Variants in YWHAE observed in about 807,000 individuals in gnomAD.
YWHAE encodes the protein tyrosine 3-monooxygenase/tryptophan 5-monooxygenase activation protein epsilon.
Under a neutral mutation model 30.1 loss-of-function variants are expected in YWHAE, and 4 were observed. The ratio of observed to expected loss-of-function variants is 0.13; its 90% CI spans 0.07 to 0.30. YWHAE has a LOEUF of 0.30. YWHAE is among the 10% of genes least tolerant of loss of function. The probability of loss-of-function intolerance (pLI) is 1.00; values close to 1 mark genes in which losing one functional copy is unlikely to be tolerated. For synonymous variants in YWHAE, 118 were observed against 111.8 expected, an observed-to-expected ratio of 1.06 and a Z score of -0.35; for missense variants, 121 against 315.9, an observed-to-expected ratio of 0.38 and a Z score of 4.68.
chr17:1,392,445 C>T (rs1186655107), intron 1 of YWHAE, among the ~76,000 whole-genome samples: 1 of 152,172 alleles, frequency 6.6e-6, no homozygotes, highest in African/African-American at 2.4e-5. Context: ...AGCCATTTTT[C>T]TTGCTGCTCT....
At chr17:1,384,832 G>C (rs898051720) in intron 1 of YWHAE, among the ~76,000 whole-genome samples, 3 of 151,872 alleles carry the variant, frequency 2.0e-5, no homozygotes, top group Non-Finnish European at 4.4e-5. Flanking sequence ...CCGCCTCCTG[G>C]GAGTAGCTGG....
rs1424110586 is a variant in YWHAE at position 1,396,497 on chromosome 17, A to C, written c.64+3550T>G. On this transcript the variant is annotated intron_variant, in intron 1 of 5. Coordinates refer to ENST00000264335, the MANE Select transcript of YWHAE (RefSeq NM_006761.5). ...CCTAGGGAATCCAACATGACCATCA[A>C]AACTTCATCCTACCTTCCATGAAGC... Among the ~76,000 whole-genome samples, 5 of 152,216 alleles carry C rather than the reference A, an allele frequency of 3.3e-5. No homozygotes were observed. The East Asian group carries it at 9.6e-4, about 29-fold the overall frequency.
intron 5 of YWHAE, among the ~76,000 whole-genome samples, chr17:1,346,091 A>G (rs906652104): frequency 3.3e-5 from 5 of 152,198 alleles, no homozygotes; most frequent in Admixed American, 2.0e-4. Flanking sequence ...TGCTCAAAGT[A>G]AATCAGACCA....
intron 1 of YWHAE, among the ~76,000 whole-genome samples, chr17:1,370,742 A>G (rs1430477733): frequency 6.6e-6 from 1 of 152,060 alleles, no homozygotes; most frequent in African/African-American, 2.4e-5. Context: ...ACGCCTAGTA[A>G]TCCCAGCACT....
At chr17:1,363,331 C>A (rs958179338) in intron 2 of YWHAE, among the ~76,000 whole-genome samples, 1 of 152,084 alleles carries the variant, frequency 6.6e-6, no homozygotes, top group Non-Finnish European at 1.5e-5. Flanking sequence ...AGTGGCTCGA[C>A]GTTGGCTCAT....
At chr17:1,345,993 G>C (rs921837726) in intron 5 of YWHAE, among the ~76,000 whole-genome samples, 1 of 152,108 alleles carries the variant, frequency 6.6e-6, no homozygotes, top group Non-Finnish European at 1.5e-5. Flanking sequence ...TTATTGTGGG[G>C]TTCTGCTGTT....
intron 1 of YWHAE, among the ~76,000 whole-genome samples, chr17:1,393,708 G>A (rs1250707944): frequency 6.6e-6 from 1 of 152,216 alleles, no homozygotes; most frequent in Admixed American, 6.5e-5. Context: ...TGGGATTGCA[G>A]GTGTTTGAGC....
intron 1 of YWHAE, among the ~76,000 whole-genome samples, chr17:1,385,854 G>C (rs1452897656): frequency 6.6e-6 from 1 of 152,132 alleles, no homozygotes; most frequent in East Asian, 1.9e-4. Context: ...CAAGGCAGGA[G>C]GACTTCTTGA....
At position 1,376,360 on chromosome 17, in the gene YWHAE, G is replaced by A. The variant is rs2073122964; in HGVS notation, c.65-11302C>T. Among the ~76,000 whole-genome samples, 3 of 65,120 alleles carry A rather than the reference G, an allele frequency of 4.6e-5. No individual in the cohort carries two copies. In the South Asian group the frequency reaches 1.9e-3, roughly 40 times the overall value. The allele number at this position is 65,120 out of a possible 152,430, so 42.7% of individuals were successfully genotyped here. On this transcript the variant is annotated intron_variant, in intron 1 of 5. Coordinates refer to ENST00000264335, the MANE Select transcript of YWHAE (RefSeq NM_006761.5). ...GAAAGACAGACAGAAAGACAAGAAA[G>A]ACAGACAGACAGACAGAAAGAAAGA...
chr17:1,381,989 A>C (rs1369027534), intron 1 of YWHAE, among the ~76,000 whole-genome samples: 2 of 148,814 alleles, frequency 1.3e-5, no homozygotes, highest in Admixed American at 6.6e-5. Flanking sequence ...TGGAGCAAAG[A>C]AAAAGTTATT....
intron 5 of YWHAE, among the ~76,000 whole-genome samples, chr17:1,346,863 T>C (rs535091783): frequency 1.1e-4 from 16 of 151,172 alleles, no homozygotes; most frequent in African/African-American, 3.7e-4. Context: ...TGGTGGCACA[T>C]GCCTGTAATC....
At chr17:1,357,668 G>A (rs1484260483) in intron 4 of YWHAE, among the ~76,000 whole-genome samples, 3 of 152,116 alleles carry the variant, frequency 2.0e-5, no homozygotes, top group South Asian at 4.1e-4. Flanking sequence ...GCTCACGCCT[G>A]TAATCTCGGC....
At chr17:1,368,427 G>A (rs905501351) in intron 1 of YWHAE, among the ~76,000 whole-genome samples, 1 of 151,712 alleles carries the variant, frequency 6.6e-6, no homozygotes, top group African/African-American at 2.4e-5. Context: ...AGCCAGGCAT[G>A]GTGGCAGGCA....
At chr17:1,366,598 C>T (rs1203311775) in intron 1 of YWHAE, among the ~76,000 whole-genome samples, 5 of 152,146 alleles carry the variant, frequency 3.3e-5, no homozygotes, top group Non-Finnish European at 1.5e-5. Context: ...ACACCCTAAG[C>T]ATAAGCATAC....
intron 1 of YWHAE, among the ~76,000 whole-genome samples, chr17:1,371,839 CTTTT>C (rs368590864): frequency 9.4e-5 from 13 of 138,534 alleles, no homozygotes; most frequent in Non-Finnish European, 1.4e-4. Context: ...TGACCCTGTA[CTTTT>C]TTTTTTTTTT....
chr17:1,387,954 C>A (rs1033921448), intron 1 of YWHAE, among the ~76,000 whole-genome samples: 9 of 110,492 alleles, frequency 8.1e-5, no homozygotes, highest in African/African-American at 3.3e-4. Flanking sequence ...TTGACGGAGT[C>A]TCACTCTGTC....
chr17:1,360,168 G>C (rs2072841241), intron 4 of YWHAE, among the ~76,000 whole-genome samples: 1 of 152,058 alleles, frequency 6.6e-6, no homozygotes, highest in African/African-American at 2.4e-5. Context: ...CACCATGTTG[G>C]TCAGGTTGGT....
intron 1 of YWHAE, among the ~76,000 whole-genome samples, chr17:1,398,597 C>T (rs527859507): frequency 1.8e-4 from 28 of 152,196 alleles, no homozygotes; most frequent in African/African-American, 6.5e-4. Context: ...ATCAAAGATA[C>T]TTGATTCCAA....
chr17:1,345,089 G>C lies in YWHAE; in HGVS notation c.*358C>G, dbSNP rs2072493477. On this transcript the variant is annotated 3_prime_UTR_variant, in exon 6 of 6. Coordinates refer to ENST00000264335, the MANE Select transcript of YWHAE (RefSeq NM_006761.5). ...TGATTAACCTCTCTCTTAGATGCTT[G>C]CATCACCTATAAGTCTAATGGCTTT... is the stretch of plus-strand genomic sequence containing the variant. 6.5e-6 allele frequency: 2 copies of C among 309,156 alleles called. No homozygotes were observed. The highest frequency in any genetic ancestry group is 1.0e-4 in the East Asian group (2 of 19,828). 19.2% of individuals were successfully genotyped at this position (309,156 alleles called of 1,614,324 possible). A position where few individuals can be genotyped will look rare whatever the true frequency, so the allele number is the denominator to read the frequency against.
Sources: gnomAD v4.1 joint callset for allele counts (sites outside exome capture counted in the v4.1 genomes callset) on GRCh38, gnomAD v4.1.1 for gene constraint, MANE v1.5 for transcripts, NCBI Gene and HGNC (gene_info 2026-07-23, HGNC 2026-07-21) for gene names.